The following MCC variants were observed in gnomAD, a reference collection of about 807,000 sequenced individuals.
MCC encodes MCC regulator of Wnt signaling pathway, also known as colorectal mutant cancer protein.
In MCC, 90 loss-of-function variants were observed where a neutral mutation model predicts 116.2. The observed-to-expected ratio is 0.77, with a 90% CI of 0.65 to 0.92. The LOEUF (loss-of-function observed/expected upper bound fraction) is 0.92, where lower values mean the gene tolerates loss of function less well. MCC is among the 40% of genes least tolerant of loss of function. MCC has a pLI of 0.00. For missense variants in MCC, 1,516 were observed against 1,312.2 expected (o/e 1.16, Z -2.40); for synonymous variants, 578 against 510.5 (o/e 1.13, Z -1.78).
Position 113,434,822 on chromosome 5 carries a change from G to T in MCC, c.171-49610C>A, listed in dbSNP as rs927595303. Reference sequence around the variant, plus strand: ...CCAGGAGGTAGCCTCGTCGCTTGAGGACAGCAGCGTCATCCATGGTGCCAG... The same window carrying T: ...CCAGGAGGTAGCCTCGTCGCTTGAGTACAGCAGCGTCATCCATGGTGCCAG... On this transcript the variant is annotated intron_variant, in intron 1 of 18. Coordinates refer to ENST00000408903, the MANE Select transcript of MCC (RefSeq NM_001085377.2). This position sits in a 1 kb window ranked among gnomAD's most constrained non-coding sequence, Gnocchi z 4.2. 1.9e-6 allele frequency: 3 copies of T among 1,609,810 alleles called. No homozygotes were observed. In the African/African-American group the frequency reaches 4.0e-5, roughly 22 times the overall value.
intron 2 of MCC, among the ~76,000 whole-genome samples, chr5:113,353,440 GA>G (rs1045617361): frequency 3.3e-5 from 5 of 151,970 alleles, no homozygotes; most frequent in Non-Finnish European, 7.4e-5. Flanking sequence ...ATTTGTTTAT[GA>G]AAAAAATAAA....
At chr5:113,197,026 A>G (rs1762445208) in intron 3 of MCC, among the ~76,000 whole-genome samples, 1 of 152,208 alleles carries the variant, frequency 6.6e-6, no homozygotes, top group South Asian at 2.1e-4. Flanking sequence ...CTGGTTCTGG[A>G]AATGTAAGAT....
At position 113,236,736 on chromosome 5, in the gene MCC, A is replaced by G. The variant is rs572202437; in HGVS notation, c.628-85314T>C. 5.3e-5 allele frequency among the ~76,000 whole-genome samples: 8 copies of G among 152,304 alleles called. No homozygotes were observed. In the East Asian group the frequency reaches 7.7e-4, roughly 15 times the overall value. On this transcript the variant is annotated intron_variant, in intron 3 of 18. Transcript: ENST00000408903. Reference sequence around the variant, plus strand: ...ACCTAGGTTAGGGCAGAGCAGATAAAAAGCCAGAAGAATACACAGAGAGGA... The same window carrying G: ...ACCTAGGTTAGGGCAGAGCAGATAAGAAGCCAGAAGAATACACAGAGAGGA...
chr5:113,363,034 C>G (rs968811201), intron 2 of MCC, among the ~76,000 whole-genome samples: 2 of 152,110 alleles, frequency 1.3e-5, no homozygotes, highest in Non-Finnish European at 2.9e-5. Context: ...AATCCCAGCA[C>G]TTTGGGAGAC....
In MCC at chr5:113,389,577, T is replaced by C. The variant is rs150951936; in HGVS notation, c.171-4365A>G. Among the ~76,000 whole-genome samples the C allele has an allele frequency of 1.1e-4, 16 of 152,342 alleles. No individual in the cohort carries two copies. The East Asian group carries it at 3.1e-3, about 29-fold the overall frequency. On this transcript the variant is annotated intron_variant, in intron 1 of 18. Coordinates refer to ENST00000408903, the MANE Select transcript of MCC (RefSeq NM_001085377.2). ...TTATTTACAGTTTTGTGACAGCTTT[T>C]GGACTGTACTTAACTTTGATTTCTT... is the stretch of plus-strand genomic sequence containing the variant.
intron 1 of MCC, among the ~76,000 whole-genome samples, chr5:113,477,914 C>G (rs766630193): frequency 2.0e-5 from 3 of 152,134 alleles, no homozygotes; most frequent in Non-Finnish European, 4.4e-5. Context: ...TGCAAAGAAG[C>G]AGAAAACAGT....
intron 3 of MCC, among the ~76,000 whole-genome samples, chr5:113,273,635 T>G (rs1256657760): frequency 1.3e-5 from 2 of 152,132 alleles, no homozygotes; most frequent in Non-Finnish European, 2.9e-5. Context: ...AGAGACTAAA[T>G]GCAATACAAC....
rs1261445741 is a variant in MCC, at chr5:113,263,228, T to C, written c.627+77291A>G. Reference sequence around the variant, plus strand: ...TAGAGAAGGTAGACAGCTTTCAAACTTGACTAGCTATTTGGAGAAGATTGC... The same window carrying C: ...TAGAGAAGGTAGACAGCTTTCAAACCTGACTAGCTATTTGGAGAAGATTGC... On this transcript the variant is annotated intron_variant, in intron 3 of 18. Transcript: ENST00000408903. Among the ~76,000 whole-genome samples the C allele has an allele frequency of 2.6e-5, 4 of 152,160 alleles. No homozygotes were observed. In the East Asian group the frequency reaches 5.8e-4, roughly 22 times the overall value.
intron 1 of MCC, among the ~76,000 whole-genome samples, chr5:113,388,852 A>C (rs1769335251): frequency 6.6e-6 from 1 of 152,232 alleles, no homozygotes; most frequent in East Asian, 1.9e-4. Flanking sequence ...TATGAGGCAC[A>C]GCCTGGAAAT....
chr5:113,261,618 ATAT>A (rs1397311597), intron 3 of MCC, among the ~76,000 whole-genome samples: 1 of 152,210 alleles, frequency 6.6e-6, no homozygotes, highest in African/African-American at 2.4e-5. Flanking sequence ...AAACTGACAA[ATAT>A]TATCATATTT....
At chr5:113,065,605 A>T (rs1021970774) in intron 13 of MCC, among the ~76,000 whole-genome samples, 2 of 152,230 alleles carry the variant, frequency 1.3e-5, no homozygotes, top group African/African-American at 4.8e-5. Context: ...CGAGGCCCAG[A>T]GAAACTCCTC....
chr5:113,034,430 A>G (rs1311545316), intron 17 of MCC, among the ~76,000 whole-genome samples: 2 of 152,212 alleles, frequency 1.3e-5, no homozygotes, highest in African/African-American at 4.8e-5. Flanking sequence ...TATTCTCCCT[A>G]AAATAAAAAG....
intron 3 of MCC, among the ~76,000 whole-genome samples, chr5:113,234,005 G>A (rs1764039908): frequency 6.6e-6 from 1 of 152,180 alleles, no homozygotes; most frequent in Non-Finnish European, 1.5e-5. Flanking sequence ...GCAAACAGTG[G>A]AAGGGAATGT....
intron 2 of MCC, among the ~76,000 whole-genome samples, chr5:113,373,671 C>T (rs1050419301): frequency 1.3e-5 from 2 of 152,096 alleles, no homozygotes; most frequent in Non-Finnish European, 1.5e-5. Context: ...GATTCTTCCT[C>T]TATTTCTTTG....
At chr5:113,127,039 A>C (rs1297813409) in intron 5 of MCC, among the ~76,000 whole-genome samples, 1 of 152,168 alleles carries the variant, frequency 6.6e-6, no homozygotes, top group Admixed American at 6.5e-5. Flanking sequence ...ACCCGCAAGT[A>C]GGCCCCAATG....
At position 113,025,232 on chromosome 5, in the gene MCC, A is replaced by G. The variant is rs1007489766; in HGVS notation, c.*2070T>C. 1 of 142,038 alleles carries G rather than the reference A, an allele frequency of 7.0e-6. No individual in the cohort carries two copies. Among genetic ancestry groups the G allele is most frequent in the African/African-American group, 2.5e-5 (1 of 40,066 alleles). The allele number at this position is 142,038 out of a possible 1,614,324, so 8.8% of individuals were successfully genotyped here. On this transcript the variant is annotated 3_prime_UTR_variant, in exon 19 of 19. Transcript: ENST00000408903. ...GTTTCCCTAGGCAAGCTGGAAAAAT[A>G]GTGAAAACTGATTTTTTTTTTTTTG...
intron 3 of MCC, among the ~76,000 whole-genome samples, chr5:113,327,854 T>C (rs1160643971): frequency 5.4e-5 from 8 of 149,030 alleles, no homozygotes; most frequent in African/African-American, 2.1e-4. Flanking sequence ...CAACCTAACA[T>C]TATTATACCT....
chr5:113,097,261 TACTTCC>T (rs1205067837), intron 8 of MCC, among the ~76,000 whole-genome samples: 2 of 152,230 alleles, frequency 1.3e-5, no homozygotes, highest in African/African-American at 4.8e-5. Flanking sequence ...AGCAATCGCA[TACTTCC>T]ACTGCCCAGA....
At chr5:113,446,927 A>G (rs781466483) in intron 1 of MCC, among the ~76,000 whole-genome samples, 9 of 152,170 alleles carry the variant, frequency 5.9e-5, no homozygotes, top group Non-Finnish European at 1.3e-4. Context: ...AAACCTGCAC[A>G]TGTACCCCCT....
Sources: gnomAD v4.1 joint callset for allele counts (sites outside exome capture counted in the v4.1 genomes callset) on GRCh38, gnomAD v4.1.1 for gene constraint, Gnocchi (gnomAD v3.1) non-coding constraint, MANE v1.5 for transcripts, NCBI Gene and HGNC (gene_info 2026-07-23, HGNC 2026-07-21) for gene names.